DOCK1: variants seen among roughly 807,000 people sequenced by gnomAD.
DOCK1 encodes the protein dedicator of cytokinesis protein 1.
In DOCK1, 138 loss-of-function variants were observed where a neutral mutation model predicts 262.7. That is an observed-to-expected ratio of 0.53 (90% CI 0.46 to 0.61). The LOEUF is 0.61. Ranked by LOEUF, DOCK1 falls within the 20% of genes least tolerant of loss-of-function variation. DOCK1 has a pLI of 0.00. For synonymous variants in DOCK1, 866 were observed against 867.4 expected (o/e 1.00, Z 0.03); for missense variants, 1,908 against 2,370.7 (o/e 0.80, Z 4.05).
In DOCK1 at chr10:126,930,130, G is replaced by C. The variant is rs1042924385; in HGVS notation, c.46+24567G>C. ...TATCCACACTGTGGCATGGATTGCTGCTTCATTCCTTTCTGTGGTGGAATA... is the reference window on the plus strand; with the variant it reads ...TATCCACACTGTGGCATGGATTGCTCCTTCATTCCTTTCTGTGGTGGAATA... On this transcript the variant is annotated intron_variant, in intron 1 of 51. Transcript: ENST00000623213. 6.7e-3 allele frequency among the ~76,000 whole-genome samples: 1,017 copies of C among 152,318 alleles called. 7 individuals are homozygous for C. The highest frequency in any genetic ancestry group is 0.022 in the African/African-American group (926 of 41,582).
At chr10:126,906,620 C>T (rs147837167) in intron 1 of DOCK1, among the ~76,000 whole-genome samples, 1,578 of 152,310 alleles carry the variant, frequency 0.01, 23 homozygotes, top group African/African-American at 0.034. Context: ...CAGGCTGTGT[C>T]CTCCAAGGGC....
intron 51 of DOCK1, among the ~76,000 whole-genome samples, chr10:127,447,766 A>G (rs1448779384): frequency 2.0e-5 from 3 of 152,226 alleles, no homozygotes; most frequent in Non-Finnish European, 4.4e-5. Context: ...AACTGCATCA[A>G]AAAGCACATT....
At position 126,995,621 on chromosome 10, in the gene DOCK1, CAGACCGTGGAGAGAGAGGGAGAGGG is replaced by C. The variant is rs1029169603; in HGVS notation, c.474-1113_474-1089del. Among the ~76,000 whole-genome samples, 1 of 152,094 alleles carries C rather than the reference CAGACCGTGGAGAGAGAGGGAGAGGG, an allele frequency of 6.6e-6. No individual in the cohort carries two copies. The highest frequency in any genetic ancestry group is 2.4e-5 in the African/African-American group (1 of 41,412). ...TCCAGCCTTGGCTCGGCATCAGAGGCAGACCGTGGAGAGAGAGGGAGAGGGAGACCGTGGAGAGGGAGAGGGAGAC... is the reference window on the plus strand; with the variant it reads ...TCCAGCCTTGGCTCGGCATCAGAGGCAGACCGTGGAGAGGGAGAGGGAGAC... On this transcript the variant is annotated intron_variant, in intron 6 of 51. Coordinates refer to ENST00000623213, the MANE Select transcript of DOCK1 (RefSeq NM_001290223.2). The surrounding 1 kb of genome is among the most constrained non-coding windows in gnomAD (Gnocchi z 5.8).
chr10:127,145,991 C>T, intron 27 of DOCK1: 1 of 516,586 alleles, frequency 1.9e-6, no homozygotes, highest in South Asian at 1.4e-5. Context: ...GGGGACCCCG[C>T]ACCCTGAATT....
chr10:127,092,926 G>A (rs2047629237), intron 23 of DOCK1, among the ~76,000 whole-genome samples: 1 of 152,150 alleles, frequency 6.6e-6, no homozygotes, highest in Non-Finnish European at 1.5e-5. Context: ...GTCCCTCAGG[G>A]CTGCTGTCAC....
chr10:126,971,345 G>C (rs1314558865), intron 2 of DOCK1, among the ~76,000 whole-genome samples: 1 of 152,112 alleles, frequency 6.6e-6, no homozygotes, highest in Admixed American at 6.5e-5. Flanking sequence ...GGTCCACTCT[G>C]CCTGGCCAAG....
At position 127,006,781 on chromosome 10, in the gene DOCK1, GGAGTCCCATGGTCAGCTGGTGAGAT is replaced by G. The variant is rs371043317; in HGVS notation, c.986-1939_986-1915del. Among the ~76,000 whole-genome samples, 91 of 152,264 alleles carry G rather than the reference GGAGTCCCATGGTCAGCTGGTGAGAT, an allele frequency of 6.0e-4. No homozygotes were observed. The Middle Eastern group carries it at 0.01, about 17-fold the overall frequency. Reference sequence around the variant, plus strand: ...GGCTGGGCACTGGGGATGTGGCAAGGGAGTCCCATGGTCAGCTGGTGAGATGAGTCCCATGGCAGAGCAGAGCTCT... The same window carrying G: ...GGCTGGGCACTGGGGATGTGGCAAGGGAGTCCCATGGCAGAGCAGAGCTCT... On this transcript the variant is annotated intron_variant, in intron 10 of 51. Coordinates refer to ENST00000623213, the MANE Select transcript of DOCK1 (RefSeq NM_001290223.2).
At chr10:127,275,750 C>T (rs2060717588) in intron 29 of DOCK1, among the ~76,000 whole-genome samples, 1 of 134,394 alleles carries the variant, frequency 7.4e-6, no homozygotes, top group Admixed American at 7.6e-5. Context: ...AGGTGTCAAC[C>T]TGTGTGTAGA....
chr10:127,062,639 G>T (rs2045608444), intron 23 of DOCK1, among the ~76,000 whole-genome samples: 1 of 152,220 alleles, frequency 6.6e-6, no homozygotes, highest in Non-Finnish European at 1.5e-5. Flanking sequence ...CATGCTCCAT[G>T]TGTAGTGAAA....
At chr10:127,056,490 C>G (rs953793180) in intron 22 of DOCK1, among the ~76,000 whole-genome samples, 1 of 152,130 alleles carries the variant, frequency 6.6e-6, no homozygotes, top group Non-Finnish European at 1.5e-5. Flanking sequence ...GCCCCTGTAC[C>G]CCACTGATTC....
At chr10:127,354,863 T>C (rs2064063171) in intron 32 of DOCK1, 136 bp downstream of exon 32, 2 of 1,015,654 alleles carry the variant, frequency 2.0e-6, no homozygotes, top group South Asian at 1.6e-5. Flanking sequence ...TGCTACTCTT[T>C]GTAGTAACTG....
intron 1 of DOCK1, among the ~76,000 whole-genome samples, chr10:126,958,688 C>T (rs2036948227): frequency 6.6e-6 from 1 of 152,088 alleles, no homozygotes; most frequent in Admixed American, 6.5e-5. Context: ...TCTATGACAC[C>T]TTCCTGATTC....
chr10:126,927,055 A>T (rs897376190), intron 1 of DOCK1, among the ~76,000 whole-genome samples: 1 of 152,198 alleles, frequency 6.6e-6, no homozygotes, highest in Non-Finnish European at 1.5e-5. Flanking sequence ...TTTAGTGCTC[A>T]CTTCAGACCA....
chr10:127,204,353 G>A (rs1163056704), intron 27 of DOCK1, among the ~76,000 whole-genome samples: 2 of 152,108 alleles, frequency 1.3e-5, no homozygotes, highest in Admixed American at 1.3e-4. Flanking sequence ...GTGATGTGAT[G>A]TTGGCTCACT....
chr10:126,926,028 C>A (rs964173663), intron 1 of DOCK1, among the ~76,000 whole-genome samples: 4 of 151,984 alleles, frequency 2.6e-5, no homozygotes, highest in African/African-American at 4.8e-5. Context: ...GTTAGTTAAC[C>A]GCTCTGAGCC....
rs371095780 is a variant in DOCK1, at chr10:126,980,519, C to G, written c.172-1399C>G. 1.5e-4 allele frequency among the ~76,000 whole-genome samples: 23 copies of G among 152,296 alleles called. No individual in the cohort carries two copies. The East Asian group carries it at 2.7e-3, about 18-fold the overall frequency. The stretch of plus-strand genomic sequence containing the variant: ...GCCTGGCCCAGCCTTGTTTGTTGCT[C>G]AGCCTCTGACTCTCTGCCTGACGCC... On this transcript the variant is annotated intron_variant, in intron 3 of 51. Transcript: ENST00000623213.
At position 126,978,924 on chromosome 10, in the gene DOCK1, G is replaced by A. The variant is rs527626481; in HGVS notation, c.171+936G>A. On this transcript the variant is annotated intron_variant, in intron 3 of 51. Transcript: ENST00000623213. The stretch of plus-strand genomic sequence containing the variant: ...AGGCTTTGCTGAGCAGGTCAGAATG[G>A]GTCATCCTCTCGCAACACCAGCACT... 6.6e-5 allele frequency among the ~76,000 whole-genome samples: 10 copies of A among 152,206 alleles called. No homozygotes were observed. The South Asian group carries it at 1.2e-3, about 19-fold the overall frequency.
chr10:127,347,813 G>A (rs557146363), intron 31 of DOCK1, among the ~76,000 whole-genome samples: 353 of 128,382 alleles, frequency 2.7e-3, no homozygotes, highest in Middle Eastern at 0.013. Context: ...GCATCTGAGG[G>A]AGCATCCCCA....
intron 21 of DOCK1, among the ~76,000 whole-genome samples, chr10:127,050,406 T>C (rs2044640869): frequency 1.0e-5 from 1 of 99,568 alleles, no homozygotes; most frequent in African/African-American, 3.1e-5. Context: ...ATTGCCACTT[T>C]ACCCTCTAAA....
Sources: gnomAD v4.1 joint callset for allele counts (sites outside exome capture counted in the v4.1 genomes callset) on GRCh38, gnomAD v4.1.1 for gene constraint, Gnocchi (gnomAD v3.1) non-coding constraint, MANE v1.5 for transcripts, NCBI Gene and HGNC (gene_info 2026-07-23, HGNC 2026-07-21) for gene names.